Variants in TCF20 observed in about 807,000 individuals in gnomAD.
TCF20 encodes SPRE-binding protein.
TCF20 carries 3 observed loss-of-function variants against 148.6 expected under a neutral mutation model. The observed-to-expected ratio is 0.02, with a 90% CI of 0.01 to 0.05. The LOEUF is 0.05. Ranked by LOEUF, TCF20 falls within the 10% of genes least tolerant of loss-of-function variation. TCF20 has a pLI of 1.00. For missense variants in TCF20, 2,350 were observed against 2,429.3 expected (o/e 0.97, Z 0.69); for synonymous variants, 1,049 against 909.5 (o/e 1.15, Z -2.76).
Position 42,214,041 on chromosome 22 carries a change from G to T in TCF20, c.1265C>A (p.Pro422Gln), listed in dbSNP as rs1234059762. 1 of 1,614,076 alleles carries T rather than the reference G, an allele frequency of 6.2e-7. No homozygotes were observed. The highest frequency in any genetic ancestry group is 8.5e-7 in the Non-Finnish European group (1 of 1,180,042). The stretch of plus-strand genomic sequence containing the variant: ...AGAATTAGGACTGGGCATCATTGAT[G>T]GGGTTGGACTGAGTTGAGGCATTAA... ...LQLMPQLSPT[P>Q]SMMPSPNSHA... Residue 422 changes from proline to glutamine, a missense_variant, in exon 2 of 6, where the codon CCA becomes CAA. Physicochemically the swap from Pro to Gln is moderately conservative, Grantham distance 76 (BLOSUM62 -1). This residue lies in a region of TCF20 where 1,641 missense variants were observed against 1,662.6 expected (regional missense o/e 0.99). Coordinates refer to ENST00000677622, the MANE Select transcript of TCF20 (RefSeq NM_001378418.1).
chr22:42,216,077 TCC>T (rs1219390697), intron 1 of TCF20, among the ~76,000 whole-genome samples: 1 of 118,598 alleles, frequency 8.4e-6, no homozygotes, highest in Non-Finnish European at 1.7e-5. Flanking sequence ...AAAAACCAAA[TCC>T]TTTTTTTTTT....
At chr22:42,322,900 T>G (rs528230077) in intron 1 of TCF20, among the ~76,000 whole-genome samples, 10 of 150,896 alleles carry the variant, frequency 6.6e-5, no homozygotes, top group African/African-American at 1.9e-4. Flanking sequence ...CTGGTTTTTT[T>G]TTTGTTTGTT....
chr22:42,161,201 T>C lies in TCF20; in HGVS notation c.*202A>G. 1.2e-6 allele frequency: 1 copy of C among 830,618 alleles called. No individual in the cohort carries two copies. The highest frequency in any genetic ancestry group is 1.6e-5 in the South Asian group (1 of 63,104). 51.5% of individuals were successfully genotyped at this position (830,618 alleles called of 1,614,324 possible). On this transcript the variant is annotated 3_prime_UTR_variant, in exon 6 of 6. Transcript: ENST00000677622. ...CGTCTTGGGTCTTTCTTTCCTGTGG[T>C]GTCACTGGTTTGAGTGTGATGTGAG... is the stretch of plus-strand genomic sequence containing the variant.
chr22:42,303,213 A>G lies in TCF20; in HGVS notation c.-37+40266T>C, dbSNP rs971300135. 1.7e-4 allele frequency among the ~76,000 whole-genome samples: 26 copies of G among 152,222 alleles called. 1 individual carries two copies. Among genetic ancestry groups the G allele is most frequent in the Non-Finnish European group, 2.6e-4 (18 of 68,038 alleles). On this transcript the variant is annotated intron_variant, in intron 1 of 1. Transcript: ENST00000515426. ...CCAAAGTGCTGGGATTACAGGCGTG[A>G]GCCACCATGCCAGGCCAAGCAACCA...
chr22:42,342,572 A>G (rs1464716654), intron 1 of TCF20, among the ~76,000 whole-genome samples: 1 of 152,186 alleles, frequency 6.6e-6, no homozygotes, highest in Non-Finnish European at 1.5e-5. Flanking sequence ...CCCTTGCCAG[A>G]CACTAGGAGA....
Position 42,213,372 on chromosome 22 carries a change from T to C in TCF20, c.1934A>G (p.Lys645Arg). 1 of 1,614,226 alleles carries C rather than the reference T, an allele frequency of 6.2e-7. No homozygotes were observed. The highest frequency in any genetic ancestry group is 1.3e-5 in the African/African-American group (1 of 75,058). Reference sequence around the variant, plus strand: ...GGGAAGTGATGCATGACTGGTTTCCTTTGCCCCACCATTGCTAGGTGGCCT... The same window carrying C: ...GGGAAGTGATGCATGACTGGTTTCCCTTGCCCCACCATTGCTAGGTGGCCT... ...TQRPPSNGGAKETSHASLPQP... is the reference protein window; with the variant it reads ...TQRPPSNGGARETSHASLPQP... The change falls in exon 2 of 6, where the codon AAG (lysine) becomes AGG (arginine). Residue 645 changes from lysine to arginine, a missense_variant. By Grantham distance (26) the Lys-to-Arg change is conservative. Transcript: ENST00000677622.
intron 1 of TCF20, among the ~76,000 whole-genome samples, chr22:42,257,533 A>G (rs1925806150): frequency 6.6e-6 from 1 of 152,218 alleles, no homozygotes; most frequent in Non-Finnish European, 1.5e-5. Context: ...AGTATTAGAG[A>G]GCAGAGGCTC....
chr22:42,257,756 G>T (rs918387292), intron 1 of TCF20, among the ~76,000 whole-genome samples: 12 of 152,222 alleles, frequency 7.9e-5, no homozygotes, highest in Non-Finnish European at 1.8e-4. Context: ...CTGGAGTTGA[G>T]AAGAGGATGA....
chr22:42,242,063 G>A (rs1268580370), intron 1 of TCF20, among the ~76,000 whole-genome samples: 2 of 151,546 alleles, frequency 1.3e-5, no homozygotes, highest in Admixed American at 6.6e-5. Context: ...TTAGCCAGGC[G>A]TGGTAATAAG....
intron 1 of TCF20, among the ~76,000 whole-genome samples, chr22:42,269,077 T>C (rs1926447575): frequency 6.6e-6 from 1 of 152,136 alleles, no homozygotes; most frequent in Non-Finnish European, 1.5e-5. Context: ...TTATTTGGCG[T>C]CAAAGCTGTA....
Position 42,212,921 on chromosome 22 carries a change from G to C in TCF20, c.2385C>G (p.Thr795=), listed in dbSNP as rs751389800. 1.9e-6 allele frequency: 3 copies of C among 1,614,136 alleles called. No homozygotes were observed. Among genetic ancestry groups the C allele is most frequent in the East Asian group, 4.5e-5 (2 of 44,872 alleles). Reference sequence around the variant, plus strand: ...GAAGGCCCCTGCTAGCTAATTCATTGGTTTGACTAACCAAGACATTGGGCC... The same window carrying C: ...GAAGGCCCCTGCTAGCTAATTCATTCGTTTGACTAACCAAGACATTGGGCC... ...TTRPNVLVSQ[T]NELASRGLLN... The change falls in exon 2 of 6, where the codon ACC becomes ACG. Residue 795 remains threonine (T), a synonymous_variant. Transcript: ENST00000677622.
intron 1 of TCF20, among the ~76,000 whole-genome samples, chr22:42,257,328 T>A (rs914240484): frequency 6.6e-5 from 10 of 152,252 alleles, no homozygotes; most frequent in African/African-American, 2.4e-4. Context: ...CTGATTTTAG[T>A]TACTCTTAGA....
intron 1 of TCF20, among the ~76,000 whole-genome samples, chr22:42,309,183 G>A (rs1298606757): frequency 6.6e-6 from 1 of 152,086 alleles, no homozygotes; most frequent in Admixed American, 6.5e-5. Context: ...CAACCCCTGC[G>A]GGACAGTCAC....
rs138430575 is a variant in TCF20 at position 42,317,407 on chromosome 22, C to T, written c.-37+26072G>A. On this transcript the variant is annotated intron_variant, in intron 1 of 1. Coordinates refer to the TCF20 transcript ENST00000515426. The surrounding 1 kb of genome is among the most constrained non-coding windows in gnomAD (Gnocchi z 4.2). ...GGGAAGGAGGGGCGGCGCTGGGTGA[C>T]GGAGCTTCGATTTAAACACAGATGA... is the stretch of plus-strand genomic sequence containing the variant. 4.7e-4 allele frequency among the ~76,000 whole-genome samples: 71 copies of T among 152,236 alleles called. No homozygotes were observed. The highest frequency in any genetic ancestry group is 7.2e-4 in the Admixed American group (11 of 15,292).
chr22:42,171,352 G>A (rs1254245572), intron 3 of TCF20, among the ~76,000 whole-genome samples: 2 of 151,864 alleles, frequency 1.3e-5, no homozygotes, highest in South Asian at 2.1e-4. Context: ...CAGACTAGCA[G>A]CCTGTGCACC....
chr22:42,265,815 C>T (rs965401012), intron 1 of TCF20, among the ~76,000 whole-genome samples: 5 of 152,166 alleles, frequency 3.3e-5, no homozygotes, highest in Non-Finnish European at 7.3e-5. Context: ...GTAAACTAGT[C>T]AGGAAGAGAT....
chr22:42,174,631 C>T (rs1218397935), intron 3 of TCF20, among the ~76,000 whole-genome samples: 1 of 152,182 alleles, frequency 6.6e-6, no homozygotes, highest in East Asian at 1.9e-4. Context: ...ATGGTACATG[C>T]CTGTATTCCC....
chr22:42,188,293 C>CAAAAAAAAA (rs58945649), intron 2 of TCF20, among the ~76,000 whole-genome samples: 5,167 of 49,312 alleles, frequency 0.1, 1,544 homozygotes, highest in Non-Finnish European at 0.16. Context: ...AACTCCGTCT[C>CAAAAAAAAA]AAAAAAAAAA....
At chr22:42,281,488 G>A (rs1555954049) in intron 1 of TCF20, among the ~76,000 whole-genome samples, 2 of 152,116 alleles carry the variant, frequency 1.3e-5, no homozygotes, top group East Asian at 1.9e-4. Flanking sequence ...CCCTTCCAAC[G>A]GCTTCAGCCA....
Sources: gnomAD v4.1 joint callset for allele counts (sites outside exome capture counted in the v4.1 genomes callset) on GRCh38, gnomAD v4.1.1 for gene constraint, gnomAD v4.1.1 regional missense constraint, Gnocchi (gnomAD v3.1) non-coding constraint, MANE v1.5 for transcripts, NCBI Gene and HGNC (gene_info 2026-07-23, HGNC 2026-07-21) for gene names.